The following GPR39 variants were observed in gnomAD, a reference collection of about 807,000 sequenced individuals.
The protein encoded by GPR39 is G protein-coupled receptor 39, also known as zinc sensing receptor.
Under a neutral mutation model 18.4 loss-of-function variants are expected in GPR39, and 23 were observed. The observed-to-expected ratio is 1.25, with a 90% CI of 0.90 to 1.77. The LOEUF (loss-of-function observed/expected upper bound fraction) is 1.77. GPR39 is among the 40% of genes most tolerant of loss of function. GPR39 has a pLI of 0.00. For missense variants in GPR39, 647 were observed against 602.4 expected, an observed-to-expected ratio of 1.07 and a Z score of -0.78; for synonymous variants, 280 against 257.9, an observed-to-expected ratio of 1.09 and a Z score of -0.82.
intron 1 of GPR39, among the ~76,000 whole-genome samples, chr2:132,535,299 C>A (rs1177114020): frequency 1.3e-5 from 2 of 152,148 alleles, no homozygotes; most frequent in Non-Finnish European, 2.9e-5. Flanking sequence ...TATCAAAGTC[C>A]TTTTCTGCAT....
At chr2:132,541,519 C>G (rs765622289) in intron 1 of GPR39, among the ~76,000 whole-genome samples, 1 of 152,174 alleles carries the variant, frequency 6.6e-6, no homozygotes, top group Non-Finnish European at 1.5e-5. Context: ...TCATCCATAC[C>G]GCTCTCTCCT....
At chr2:132,556,561 C>T (rs775331357) in intron 1 of GPR39, among the ~76,000 whole-genome samples, 1 of 152,140 alleles carries the variant, frequency 6.6e-6, no homozygotes. Flanking sequence ...GTACCTTGTG[C>T]ACCAAACAAA....
chr2:132,643,588 A>G (rs1272680988), intron 1 of GPR39, among the ~76,000 whole-genome samples: 2 of 152,146 alleles, frequency 1.3e-5, no homozygotes, highest in Non-Finnish European at 2.9e-5. Flanking sequence ...TTCGTGTCTC[A>G]CTGTAGCCTT....
At chr2:132,509,550 T>A (rs1489489891) in intron 1 of GPR39, among the ~76,000 whole-genome samples, 1 of 152,256 alleles carries the variant, frequency 6.6e-6, no homozygotes, top group East Asian at 1.9e-4. Flanking sequence ...ATAAGTAGTA[T>A]TTGAATAACT....
chr2:132,431,316 A>T (rs540412947), intron 1 of GPR39, among the ~76,000 whole-genome samples: 21 of 152,250 alleles, frequency 1.4e-4, no homozygotes, highest in Non-Finnish European at 2.5e-4. Context: ...AGGACTCCTT[A>T]TTTCAGATGT....
chr2:132,514,566 A>C (rs1379462187), intron 1 of GPR39, among the ~76,000 whole-genome samples: 2 of 152,066 alleles, frequency 1.3e-5, no homozygotes, highest in Non-Finnish European at 2.9e-5. Context: ...TCTGCCACTT[A>C]CAGTCCCCAG....
intron 1 of GPR39, among the ~76,000 whole-genome samples, chr2:132,556,258 A>G (rs757270007): frequency 1.2e-4 from 18 of 152,338 alleles, no homozygotes; most frequent in Non-Finnish European, 2.5e-4. Flanking sequence ...TCAGAGAGAC[A>G]GTATATGGAC....
chr2:132,424,442 G>T (rs988161321), intron 1 of GPR39, among the ~76,000 whole-genome samples: 1 of 152,140 alleles, frequency 6.6e-6, no homozygotes, highest in Non-Finnish European at 1.5e-5. Flanking sequence ...AGCAGCTACT[G>T]CCTGGGACAA....
At chr2:132,490,838 C>T (rs1177712105) in intron 1 of GPR39, among the ~76,000 whole-genome samples, 1 of 150,078 alleles carries the variant, frequency 6.7e-6, no homozygotes, top group Non-Finnish European at 1.5e-5. Flanking sequence ...TACTGCTGTG[C>T]AGCAGCAAGA....
At chr2:132,474,924 C>A (rs552761533) in intron 1 of GPR39, among the ~76,000 whole-genome samples, 40 of 152,298 alleles carry the variant, frequency 2.6e-4, no homozygotes, top group Admixed American at 3.3e-4. Context: ...CCTTTGAGTC[C>A]TCTCAGAGAA....
chr2:132,529,595 G>T (rs912252681), intron 1 of GPR39, among the ~76,000 whole-genome samples: 3 of 152,212 alleles, frequency 2.0e-5, no homozygotes, highest in African/African-American at 4.8e-5. Context: ...TAAGTGGGAG[G>T]CATCCCCCAG....
intron 1 of GPR39, among the ~76,000 whole-genome samples, chr2:132,609,398 T>C (rs1681200810): frequency 6.6e-6 from 1 of 152,150 alleles, no homozygotes; most frequent in African/African-American, 2.4e-5. Context: ...AATGGTGGTA[T>C]TACCCCAATC....
At chr2:132,591,873 T>G (rs1481626633) in intron 1 of GPR39, among the ~76,000 whole-genome samples, 1 of 152,202 alleles carries the variant, frequency 6.6e-6, no homozygotes, top group Non-Finnish European at 1.5e-5. Context: ...TCACTTGGGT[T>G]AATGGCTAGA....
rs906592520 is a variant in GPR39 at position 132,626,049 on chromosome 2, G to A, written c.857-19052G>A. Among the ~76,000 whole-genome samples, 7 of 151,174 alleles carry A rather than the reference G, an allele frequency of 4.6e-5. No individual in the cohort carries two copies. In the East Asian group the frequency reaches 1.2e-3, roughly 25 times the overall value. ...TGGGTGGCGGAGGTTGCAGTGAGCC[G>A]AGACCGCACCACTGCACTCCAGCCT... On this transcript the variant is annotated intron_variant, in intron 1 of 1. Transcript: ENST00000329321.
At chr2:132,618,784 G>T (rs1020961759) in intron 1 of GPR39, among the ~76,000 whole-genome samples, 3 of 152,130 alleles carry the variant, frequency 2.0e-5, no homozygotes, top group Non-Finnish European at 4.4e-5. Context: ...ACCTTTAAAG[G>T]CCGGCTTCAC....
At chr2:132,634,921 G>C (rs1003137631) in intron 1 of GPR39, among the ~76,000 whole-genome samples, 13 of 152,210 alleles carry the variant, frequency 8.5e-5, no homozygotes, top group African/African-American at 2.7e-4. Flanking sequence ...TGAGTTTTTA[G>C]TGTAGAGAAC....
Position 132,485,388 on chromosome 2 carries a change from G to C in GPR39, c.856+67490G>C, listed in dbSNP as rs545538995. Among the ~76,000 whole-genome samples, 46 of 152,252 alleles carry C rather than the reference G, an allele frequency of 3.0e-4. 1 individual carries two copies. The highest frequency in any genetic ancestry group is 3.4e-3 in the Middle Eastern group (1 of 292). ...TAGTTGTGACAATTTCTTAAAATAA[G>C]ACAACAATGAAGTTTGCCACTTCGA... is the stretch of plus-strand genomic sequence containing the variant. On this transcript the variant is annotated intron_variant, in intron 1 of 1. Transcript: ENST00000329321.
At chr2:132,534,417 G>A (rs2104778947) in intron 1 of GPR39, among the ~76,000 whole-genome samples, 1 of 149,582 alleles carries the variant, frequency 6.7e-6, no homozygotes, top group East Asian at 2.1e-4. Context: ...CAGCCATTGT[G>A]GAAGTCAGTG....
At chr2:132,614,185 T>TTTG (rs368749103) in intron 1 of GPR39, among the ~76,000 whole-genome samples, 1 of 150,446 alleles carries the variant, frequency 6.6e-6, no homozygotes, top group Non-Finnish European at 1.5e-5. Context: ...TGCTTTTTTT[T>TTTG]TTGTTTTTGT....
Sources: gnomAD v4.1 joint callset for allele counts (sites outside exome capture counted in the v4.1 genomes callset) on GRCh38, gnomAD v4.1.1 for gene constraint, MANE v1.5 for transcripts, NCBI Gene and HGNC (gene_info 2026-07-23, HGNC 2026-07-21) for gene names.